KDM4C: variants seen among roughly 807,000 people sequenced by gnomAD.
The protein encoded by KDM4C is lysine demethylase 4C, also known as lysine-specific demethylase 4C.
KDM4C carries 81 observed loss-of-function variants against 129.3 expected under a neutral mutation model. The ratio of observed to expected loss-of-function variants is 0.63; its 90% confidence interval spans 0.52 to 0.75. The LOEUF is 0.75. Among genes scored for constraint, KDM4C ranks in the 30% least tolerant of loss-of-function variants. KDM4C has a pLI of 0.00. For missense variants in KDM4C, 1,457 were observed against 1,304.0 expected (o/e 1.12, Z -1.81); for synonymous variants, 573 against 456.1 (o/e 1.26, Z -3.26).
chr9:6,784,372 G>C (rs1344029762), intron 1 of KDM4C, among the ~76,000 whole-genome samples: 1 of 152,070 alleles, frequency 6.6e-6, no homozygotes, highest in African/African-American at 2.4e-5. Flanking sequence ...GGGACTACGG[G>C]TACATGCCAC....
chr9:7,030,282 G>A (rs1826505747), intron 15 of KDM4C, among the ~76,000 whole-genome samples: 1 of 152,070 alleles, frequency 6.6e-6, no homozygotes, highest in South Asian at 2.1e-4. Flanking sequence ...AATAACATGT[G>A]ACACTGATAA....
chr9:6,903,990 A>G (rs535885192), intron 8 of KDM4C, among the ~76,000 whole-genome samples: 11 of 152,330 alleles, frequency 7.2e-5, no homozygotes, highest in African/African-American at 2.6e-4. Context: ...CTGTAATCCC[A>G]GCACTTTGAG....
intron 8 of KDM4C, among the ~76,000 whole-genome samples, chr9:6,901,906 C>T (rs187212827): frequency 6.6e-6 from 1 of 152,290 alleles, no homozygotes; most frequent in Admixed American, 6.5e-5. Context: ...GTTCTCAGCT[C>T]TGTGGAACAT....
intron 19 of KDM4C, among the ~76,000 whole-genome samples, chr9:7,155,683 G>A (rs1843094311): frequency 1.3e-5 from 2 of 152,156 alleles, no homozygotes; most frequent in South Asian, 4.1e-4. Flanking sequence ...CAAAGGACAT[G>A]AACTCATCCT....
chr9:6,813,920 T>G (rs1831615318), intron 3 of KDM4C, among the ~76,000 whole-genome samples: 1 of 152,166 alleles, frequency 6.6e-6, no homozygotes, highest in Non-Finnish European at 1.5e-5. Flanking sequence ...CTGTATTTTT[T>G]TTAGCTAATT....
intron 8 of KDM4C, among the ~76,000 whole-genome samples, chr9:6,965,276 G>T (rs1481947761): frequency 2.0e-5 from 3 of 151,056 alleles, no homozygotes; most frequent in Non-Finnish European, 4.4e-5. Flanking sequence ...TCAATTTTAT[G>T]TTCTCTAATA....
rs765366093 is a variant in KDM4C, at chr9:6,814,655, T to G, written c.345T>G (p.Asp115Glu). Residue 115 changes from aspartate to glutamate, a missense_variant, in exon 4 of 22, where the codon GAT becomes GAG. Asp to Glu is a conservative substitution (Grantham distance 45). Coordinates refer to ENST00000381309, the MANE Select transcript of KDM4C (RefSeq NM_015061.6). ...SGKYCTPRYLDYEDLERKYWK... is the reference protein window; with the variant it reads ...SGKYCTPRYLEYEDLERKYWK... ...GATATTGTACTCCAAGATACTTGGA[T>G]TACGAAGATTTGGAGCGCAAGTACT... The G allele has an allele frequency of 1.2e-6, 2 of 1,605,256 alleles. No homozygotes were observed. The highest frequency in any genetic ancestry group is 1.1e-5 in the South Asian group (1 of 89,566).
intron 5 of KDM4C, among the ~76,000 whole-genome samples, chr9:6,861,450 C>G (rs1003132986): frequency 1.3e-4 from 20 of 152,120 alleles, no homozygotes; most frequent in African/African-American, 4.6e-4. Context: ...AGTCATGCAT[C>G]CTGTGTGATG....
chr9:7,056,657 T>C (rs764903296), intron 17 of KDM4C, among the ~76,000 whole-genome samples: 18 of 152,198 alleles, frequency 1.2e-4, no homozygotes, highest in Non-Finnish European at 2.4e-4. Context: ...GCCTTTAAAT[T>C]TTCAGTTTTG....
At chr9:6,980,849 T>C in intron 8 of KDM4C, 76 bp from the exon 9 acceptor site, 1 of 1,217,722 alleles carries the variant, frequency 8.2e-7, no homozygotes. Context: ...TCATGGATGA[T>C]GTGTTCAAGG....
At chr9:6,957,317 C>A (rs1829238160) in intron 8 of KDM4C, among the ~76,000 whole-genome samples, 1 of 152,078 alleles carries the variant, frequency 6.6e-6, no homozygotes, top group Non-Finnish European at 1.5e-5. Flanking sequence ...TGTGCACTAA[C>A]CCTACCATCT....
intron 8 of KDM4C, among the ~76,000 whole-genome samples, chr9:6,907,601 A>G (rs1304534106): frequency 2.0e-5 from 3 of 152,314 alleles, no homozygotes; most frequent in African/African-American, 4.8e-5. Context: ...CTTTACTCAT[A>G]GGACTTTTTC....
At chr9:6,783,839 A>G (rs1049589300) in intron 1 of KDM4C, among the ~76,000 whole-genome samples, 6 of 152,204 alleles carry the variant, frequency 3.9e-5, no homozygotes, top group African/African-American at 1.4e-4. Context: ...GTGGAGGCAG[A>G]CATCAGATTG....
At chr9:6,991,672 A>C (rs1008810887) in intron 12 of KDM4C, among the ~76,000 whole-genome samples, 3 of 150,170 alleles carry the variant, frequency 2.0e-5, no homozygotes, top group Non-Finnish European at 4.5e-5. Flanking sequence ...TTATCAGAGT[A>C]GGTAGATATC....
intron 10 of KDM4C, among the ~76,000 whole-genome samples, chr9:6,985,012 T>C (rs541429101): frequency 6.6e-6 from 1 of 152,318 alleles, no homozygotes; most frequent in African/African-American, 2.4e-5. Flanking sequence ...AGCTAATTCC[T>C]GTGTTCCTCT....
chr9:6,948,693 A>G (rs1827455197), intron 8 of KDM4C, among the ~76,000 whole-genome samples: 4 of 151,744 alleles, frequency 2.6e-5, no homozygotes, highest in Admixed American at 2.0e-4. Flanking sequence ...ACTCTTAACG[A>G]GCATGCTGCC....
intron 4 of KDM4C, among the ~76,000 whole-genome samples, chr9:6,830,784 G>A (rs1297058683): frequency 6.6e-6 from 1 of 152,172 alleles, no homozygotes; most frequent in Non-Finnish European, 1.5e-5. Flanking sequence ...AGAATAAAAG[G>A]GAAACTCAGT....
intron 18 of KDM4C, among the ~76,000 whole-genome samples, chr9:7,122,265 A>ACACACACACACACTCTCTCTCTCTCT (rs375655422): frequency 1.7e-4 from 25 of 144,816 alleles, no homozygotes; most frequent in African/African-American, 5.7e-4. Flanking sequence ...ACACACACAC[A>ACACACACACACACTCTCTCTCTCTCT]CTCTCTCTCT....
chr9:6,872,988 G>C (rs570013206), intron 5 of KDM4C, among the ~76,000 whole-genome samples: 1 of 152,170 alleles, frequency 6.6e-6, no homozygotes, highest in African/African-American at 2.4e-5. Flanking sequence ...GTGCAATGGT[G>C]CAATCTCGTC....
Sources: gnomAD v4.1 joint callset for allele counts (sites outside exome capture counted in the v4.1 genomes callset) on GRCh38, gnomAD v4.1.1 for gene constraint, MANE v1.5 for transcripts, NCBI Gene and HGNC (gene_info 2026-07-23, HGNC 2026-07-21) for gene names.